ZDHHC3: variants seen among roughly 807,000 people sequenced by gnomAD.
ZDHHC3 encodes the protein palmitoyltransferase ZDHHC3.
A neutral mutation model predicts 30.6 loss-of-function variants in ZDHHC3; 9 were observed. The ratio of observed to expected loss-of-function variants is 0.29; its 90% CI spans 0.18 to 0.51. The LOEUF is 0.51. ZDHHC3 is among the 20% of genes least tolerant of loss of function. The pLI, the probability that ZDHHC3 is intolerant of heterozygous loss-of-function variation, is 0.97. For synonymous variants in ZDHHC3, 136 were observed against 140.2 expected (o/e 0.97, Z 0.21); for missense variants, 246 against 384.2 (o/e 0.64, Z 3.01).
At position 44,923,056 on chromosome 3, in the gene ZDHHC3, C is replaced by T. The variant is rs2125790004; in HGVS notation, c.*3633G>A. 2 of 983,720 alleles carry T rather than the reference C, an allele frequency of 2.0e-6. No individual in the cohort carries two copies. The highest frequency in any genetic ancestry group is 4.7e-5 in the South Asian group (1 of 21,136). The allele number at this position is 983,720 out of a possible 1,614,324, so 60.9% of individuals were successfully genotyped here. On this transcript the variant is annotated 3_prime_UTR_variant, in exon 7 of 7. Coordinates refer to ENST00000424952, the MANE Select transcript of ZDHHC3 (RefSeq NM_001135179.2). ...GAGAGGAGTTTCTGTGTAATGCCAA[C>T]CTCACATACATGTTTAAAATGTTTG...
Position 44,975,054 on chromosome 3 carries a change from A to AT in ZDHHC3, c.-25+878dup, listed in dbSNP as rs75953495. Among the ~76,000 whole-genome samples, 1,009 of 144,518 alleles carry AT rather than the reference A, an allele frequency of 7.0e-3. 3 individuals are homozygous for AT. The highest frequency in any genetic ancestry group is 0.012 in the African/African-American group (473 of 39,176). 94.8% of individuals were successfully genotyped at this position (144,518 alleles called of 152,430 possible). A position where few individuals can be genotyped will look rare whatever the true frequency, so the allele number is the denominator to read the frequency against. ...TTGAACCCACTATCTGATAAATACC[A>AT]TTTTTTTTTTTTTTTGGCTGAGGGT... is the stretch of plus-strand genomic sequence containing the variant. On this transcript the variant is annotated intron_variant, in intron 1 of 6. Coordinates refer to ENST00000424952, the MANE Select transcript of ZDHHC3 (RefSeq NM_001135179.2).
intron 1 of ZDHHC3, among the ~76,000 whole-genome samples, chr3:44,970,926 A>T (rs1705353224): frequency 6.6e-6 from 1 of 152,214 alleles, no homozygotes; most frequent in African/African-American, 2.4e-5. Context: ...TACTCACTTG[A>T]GGGCAAAATG....
Position 44,932,056 on chromosome 3 carries a change from C to T in ZDHHC3, c.610+1062G>A, listed in dbSNP as rs539705211. Reference sequence around the variant, plus strand: ...CACCTGCCCAAGTCTGTTAACTTGACGAGAGGTGGGAGGTGTTTGGGATGA... The same window carrying T: ...CACCTGCCCAAGTCTGTTAACTTGATGAGAGGTGGGAGGTGTTTGGGATGA... On this transcript the variant is annotated intron_variant, in intron 5 of 6. Coordinates refer to ENST00000424952, the MANE Select transcript of ZDHHC3 (RefSeq NM_001135179.2). Among the ~76,000 whole-genome samples, 4 of 152,246 alleles carry T rather than the reference C, an allele frequency of 2.6e-5. No homozygotes were observed. In the East Asian group the frequency reaches 5.8e-4, roughly 22 times the overall value.
chr3:44,939,960 G>A (rs1702300553), intron 3 of ZDHHC3, among the ~76,000 whole-genome samples: 1 of 152,154 alleles, frequency 6.6e-6, no homozygotes, highest in Non-Finnish European at 1.5e-5. Flanking sequence ...AGAGTGGGTG[G>A]GGTGAGGCCC....
At chr3:44,944,824 C>T (rs749606555) in intron 3 of ZDHHC3, among the ~76,000 whole-genome samples, 2 of 152,210 alleles carry the variant, frequency 1.3e-5, no homozygotes, top group Non-Finnish European at 2.9e-5. Context: ...TCATGGTACC[C>T]TTGTAATAAA....
chr3:44,921,720 A>T lies in ZDHHC3; in HGVS notation c.*4969T>A, dbSNP rs1700605978. On this transcript the variant is annotated 3_prime_UTR_variant, in exon 7 of 7. Transcript: ENST00000424952. Reference sequence around the variant, plus strand: ...ATCATTCCCGTTTTCAGATGAAAAAACTGAGGCTTAAAGAAGTTACTGCTC... The same window carrying T: ...ATCATTCCCGTTTTCAGATGAAAAATCTGAGGCTTAAAGAAGTTACTGCTC... The T allele has an allele frequency of 1.0e-6, 1 of 963,220 alleles. No homozygotes were observed. Among genetic ancestry groups the T allele is most frequent in the Non-Finnish European group, 1.2e-6 (1 of 809,956 alleles). 59.7% of individuals were successfully genotyped at this position (963,220 alleles called of 1,614,324 possible).
At chr3:44,972,574 C>G (rs78203047) in intron 1 of ZDHHC3, among the ~76,000 whole-genome samples, 5,078 of 152,242 alleles carry the variant, frequency 0.033, 244 homozygotes, top group African/African-American at 0.11. Flanking sequence ...CAGAGTTACT[C>G]CATCTCTGTC....
intron 5 of ZDHHC3, 85 bp downstream of exon 5, chr3:44,933,033 T>C: frequency 1.9e-6 from 3 of 1,613,418 alleles, no homozygotes; most frequent in South Asian, 2.2e-5. Context: ...CCTGGCACCA[T>C]GAAGGAAACA....
intron 2 of ZDHHC3, among the ~76,000 whole-genome samples, chr3:44,957,887 G>T (rs1176840820): frequency 6.6e-6 from 1 of 152,150 alleles, no homozygotes; most frequent in Non-Finnish European, 1.5e-5. Context: ...ACTATGAACT[G>T]AGCAAAGCAA....
Position 44,924,193 on chromosome 3 carries a change from G to A in ZDHHC3, c.*2496C>T, listed in dbSNP as rs1559647162. On this transcript the variant is annotated 3_prime_UTR_variant, in exon 7 of 7. Transcript: ENST00000424952. ...AGTTGGGGCTGACTTTGTGTAGAAA[G>A]ATGTCCTCTTTCATTACATCCGGAA... The A allele has an allele frequency of 1.0e-6, 1 of 985,340 alleles. No homozygotes were observed. The highest frequency in any genetic ancestry group is 1.2e-6 in the Non-Finnish European group (1 of 829,944). The allele number at this position is 985,340 out of a possible 1,614,324, so 61.0% of individuals were successfully genotyped here. A position where few individuals can be genotyped will look rare whatever the true frequency, so the allele number is the denominator to read the frequency against.
chr3:44,960,681 C>G (rs184994724), intron 1 of ZDHHC3, among the ~76,000 whole-genome samples: 1 of 152,338 alleles, frequency 6.6e-6, no homozygotes, highest in East Asian at 1.9e-4. Context: ...CATGGAAAAG[C>G]CACTCATAGC....
chr3:44,971,189 G>T lies in ZDHHC3; in HGVS notation c.-25+4744C>A, dbSNP rs117950703. ...GCTTACCTTGCTAAGGTAAGAAAGT[G>T]ATCTCACTCAAAGGCATTGCATCTC... On this transcript the variant is annotated intron_variant, in intron 1 of 6. Transcript: ENST00000424952. Among the ~76,000 whole-genome samples the T allele has an allele frequency of 6.0e-4, 91 of 152,304 alleles. 1 individual carries two copies. In the East Asian group the frequency reaches 0.016, roughly 27 times the overall value.
intron 2 of ZDHHC3, among the ~76,000 whole-genome samples, chr3:44,952,191 C>T (rs1267204859): frequency 6.6e-6 from 1 of 152,154 alleles, no homozygotes; most frequent in African/African-American, 2.4e-5. Flanking sequence ...TATCCATGTA[C>T]CCTGTCACCT....
intron 3 of ZDHHC3, among the ~76,000 whole-genome samples, chr3:44,943,382 G>A (rs1207154832): frequency 6.6e-6 from 1 of 152,136 alleles, no homozygotes; most frequent in Non-Finnish European, 1.5e-5. Context: ...GATTTCCAGG[G>A]GTGAGTAGGA....
chr3:44,945,627 G>A (rs1336197484), intron 2 of ZDHHC3, among the ~76,000 whole-genome samples: 6 of 151,464 alleles, frequency 4.0e-5, no homozygotes, highest in Admixed American at 6.6e-5. Context: ...GTGTAATCTC[G>A]GCTTGCTGCA....
At position 44,920,824 on chromosome 3, in the gene ZDHHC3, G is replaced by A. The variant is rs1257826025; in HGVS notation, c.*5865C>T. 2.0e-6 allele frequency: 2 copies of A among 985,322 alleles called. No homozygotes were observed. The highest frequency in any genetic ancestry group is 2.4e-6 in the Non-Finnish European group (2 of 829,942). The allele number at this position is 985,322 out of a possible 1,614,324, so 61.0% of individuals were successfully genotyped here. On this transcript the variant is annotated 3_prime_UTR_variant, in exon 7 of 7. Coordinates refer to ENST00000424952, the MANE Select transcript of ZDHHC3 (RefSeq NM_001135179.2). ...AAGTATTCCAGACAGAGCCTGGCCT[G>A]TCTACCAGAGGTCTTCAGCAGTAAA...
chr3:44,954,376 T>C (rs1703741959), intron 2 of ZDHHC3, among the ~76,000 whole-genome samples: 1 of 152,236 alleles, frequency 6.6e-6, no homozygotes, highest in South Asian at 2.1e-4. Flanking sequence ...ATACAAATAT[T>C]ATCGTGTTAC....
Position 44,920,369 on chromosome 3 carries a change from C to T in ZDHHC3, c.*6320G>A, listed in dbSNP as rs1575749837. 5.4e-6 allele frequency: 7 copies of T among 1,289,230 alleles called. No individual in the cohort carries two copies. Among genetic ancestry groups the T allele is most frequent in the Non-Finnish European group, 5.1e-6 (5 of 988,544 alleles). 79.9% of individuals were successfully genotyped at this position (1,289,230 alleles called of 1,614,324 possible). The stretch of plus-strand genomic sequence containing the variant: ...AGAAAGAGGCTTTAACTTCATAGCA[C>T]GAGAGCTGGGACATCACCATATGGC... On this transcript the variant is annotated 3_prime_UTR_variant, in exon 7 of 7. Transcript: ENST00000424952.
intron 6 of ZDHHC3, among the ~76,000 whole-genome samples, chr3:44,928,660 G>A (rs1361895458): frequency 6.6e-6 from 1 of 152,198 alleles, no homozygotes; most frequent in East Asian, 1.9e-4. Context: ...ACAGCAGTAG[G>A]GGCACCAAGG....
Sources: gnomAD v4.1 joint callset for allele counts (sites outside exome capture counted in the v4.1 genomes callset) on GRCh38, gnomAD v4.1.1 for gene constraint, MANE v1.5 for transcripts, NCBI Gene and HGNC (gene_info 2026-07-23, HGNC 2026-07-21) for gene names.